The following TRIM66 variants were observed in gnomAD, a reference collection of about 807,000 sequenced individuals.
TRIM66 encodes tripartite motif-containing protein 66.
Under a neutral mutation model 148.2 loss-of-function variants are expected in TRIM66, and 99 were observed. The observed-to-expected ratio is 0.67, with a 90% CI of 0.57 to 0.79. TRIM66 has a LOEUF of 0.79. TRIM66 is among the 30% of genes least tolerant of loss of function. The pLI is 0.00. For synonymous variants in TRIM66, 616 were observed against 635.9 expected, an observed-to-expected ratio of 0.97 and a Z score of 0.47; for missense variants, 1,666 against 1,697.9, an observed-to-expected ratio of 0.98 and a Z score of 0.33.
At chr11:8,628,096 T>G (rs1565489730) in intron 15 of TRIM66, among the ~76,000 whole-genome samples, 1 of 152,112 alleles carries the variant, frequency 6.6e-6, no homozygotes, top group Non-Finnish European at 1.5e-5. Flanking sequence ...ATTCCCAAAG[T>G]GCTGGGATTA....
At position 8,624,494 on chromosome 11, in the gene TRIM66, G is replaced by A; in HGVS notation, c.2884C>T (p.Pro962Ser). ...AAGTCCTTGGGAGCATCCAGACCGG[G>A]GACTATGGGACCTTGTCCCAGTAAG... ...TDLLGQGPIV[P>S]GLDAPKDLAI... The change falls in exon 17 of 25, where the codon CCC (proline) becomes TCC (serine). Residue 962 changes from proline to serine, a missense_variant. This residue lies in a region of TRIM66 where 1,431 missense variants were observed against 1,412.4 expected (regional missense o/e 1.01). Transcript: ENST00000646038. 1 of 1,550,188 alleles carries A rather than the reference G, an allele frequency of 6.5e-7. No individual in the cohort carries two copies. The highest frequency in any genetic ancestry group is 2.4e-5 in the East Asian group (1 of 40,906).
rs2034697961 is a variant in TRIM66 at position 8,625,173 on chromosome 11, G to A, written c.2366C>T (p.Ser789Leu). The change falls in exon 16 of 25, where the codon TCA (serine) becomes TTA (leucine). Residue 789 changes from serine to leucine, a missense_variant. Ser to Leu is a moderately radical substitution (Grantham distance 145, BLOSUM62 -2). This residue lies in a region of TRIM66 where 1,431 missense variants were observed against 1,412.4 expected (regional missense o/e 1.01). Coordinates refer to ENST00000646038, the MANE Select transcript of TRIM66 (RefSeq NM_001388022.1). ...GFSNTLEMEL[S>L]STRLERPLEP... Reference sequence around the variant, plus strand: ...TAGGGGCCTCTCCAACCTGGTAGATGACAACTCCATCTCCAGAGTGTTGGA... The same window carrying A: ...TAGGGGCCTCTCCAACCTGGTAGATAACAACTCCATCTCCAGAGTGTTGGA... 6.5e-7 allele frequency: 1 copy of A among 1,539,112 alleles called. No individual in the cohort carries two copies. The highest frequency in any genetic ancestry group is 8.8e-7 in the Non-Finnish European group (1 of 1,139,554).
intron 6 of TRIM66, among the ~76,000 whole-genome samples, chr11:8,657,656 C>T (rs899707759): frequency 6.6e-6 from 1 of 152,134 alleles, no homozygotes; most frequent in Non-Finnish European, 1.5e-5. Flanking sequence ...TGGACATCCT[C>T]ACCAACAGTC....
At chr11:8,636,826 C>T (rs2035920741) in intron 15 of TRIM66, among the ~76,000 whole-genome samples, 2 of 152,140 alleles carry the variant, frequency 1.3e-5, no homozygotes, top group African/African-American at 2.4e-5. Flanking sequence ...TCCTCACATC[C>T]CCCAAGACTG....
intron 6 of TRIM66, among the ~76,000 whole-genome samples, chr11:8,666,231 C>T (rs925485274): frequency 1.7e-4 from 26 of 149,152 alleles, no homozygotes; most frequent in Admixed American, 7.4e-4. Context: ...TCTAGCTACT[C>T]GGGAGGCTGA....
chr11:8,673,363 A>G (rs929184392), intron 4 of TRIM66, among the ~76,000 whole-genome samples: 2 of 152,268 alleles, frequency 1.3e-5, no homozygotes, highest in African/African-American at 2.4e-5. Flanking sequence ...GATTATCTAC[A>G]TATCTACCAC....
Position 8,617,800 on chromosome 11 carries a change from A to G in TRIM66, c.*144T>C. On this transcript the variant is annotated 3_prime_UTR_variant, in exon 25 of 25. Transcript: ENST00000646038. ...TACGGCTCCCAAATAAATGCTGTAGATGCAAATGGCAAAGAAGAGCACTAC... is the reference window on the plus strand; with the variant it reads ...TACGGCTCCCAAATAAATGCTGTAGGTGCAAATGGCAAAGAAGAGCACTAC... 1.4e-6 allele frequency: 1 copy of G among 729,172 alleles called. No individual in the cohort carries two copies. The highest frequency in any genetic ancestry group is 2.7e-5 in the East Asian group (1 of 36,696). 45.2% of individuals were successfully genotyped at this position (729,172 alleles called of 1,614,324 possible). A position where few individuals can be genotyped will look rare whatever the true frequency, so the allele number is the denominator to read the frequency against.
rs1235129798 is a variant in TRIM66, at chr11:8,624,929, C to T, written c.2610G>A (p.Met870Ile). ...GAGGGTGATCACTTGCCAGGCTTGC[C>T]ATAGCCTGAGGGGAGTCACTTATCA... The part of the protein sequence containing the change: ...PNLISDSPQA[M>I]ASLASDHPQA... Residue 870 changes from methionine to isoleucine, a missense_variant, in exon 16 of 25, where the codon ATG becomes ATA. Met to Ile is a conservative substitution (Grantham distance 10). This residue lies in a region of TRIM66 where 1,431 missense variants were observed against 1,412.4 expected (regional missense o/e 1.01). Coordinates refer to ENST00000646038, the MANE Select transcript of TRIM66 (RefSeq NM_001388022.1). The T allele has an allele frequency of 6.4e-7, 1 of 1,551,680 alleles. No individual in the cohort carries two copies. The highest frequency in any genetic ancestry group is 2.0e-5 in the Admixed American group (1 of 51,004).
At chr11:8,659,858 ATT>A (rs1228767683) in intron 6 of TRIM66, among the ~76,000 whole-genome samples, 1 of 151,792 alleles carries the variant, frequency 6.6e-6, no homozygotes, top group Non-Finnish European at 1.5e-5. Flanking sequence ...GGCCAACTGA[ATT>A]TGTTTTTTTC....
chr11:8,648,415 C>A lies in TRIM66; in HGVS notation c.725+1G>T. ...CATTTCAGGCAGTCTGTCAGCCCCACCTGTGTTCTTTGTGTTCCACCACTA... is the reference window on the plus strand; with the variant it reads ...CATTTCAGGCAGTCTGTCAGCCCCAACTGTGTTCTTTGTGTTCCACCACTA... On this transcript the variant is annotated splice_donor_variant, in intron 9 of 24. Coordinates refer to ENST00000646038, the MANE Select transcript of TRIM66 (RefSeq NM_001388022.1). LOFTEE classifies it high-confidence loss of function. The A allele has an allele frequency of 6.4e-7, 1 of 1,551,380 alleles. No individual in the cohort carries two copies. The highest frequency in any genetic ancestry group is 8.7e-7 in the Non-Finnish European group (1 of 1,146,976).
At chr11:8,666,070 C>T (rs1283746801) in intron 6 of TRIM66, among the ~76,000 whole-genome samples, 2 of 152,112 alleles carry the variant, frequency 1.3e-5, no homozygotes, top group African/African-American at 2.4e-5. Flanking sequence ...GGCGCAGTGG[C>T]TCACTCCTGT....
At chr11:8,639,828 C>G (rs944214570) in intron 14 of TRIM66, among the ~76,000 whole-genome samples, 22 of 152,334 alleles carry the variant, frequency 1.4e-4, no homozygotes, top group South Asian at 1.0e-3. Context: ...CTGCCCTCCC[C>G]CTGTCTGGGA....
intron 15 of TRIM66, among the ~76,000 whole-genome samples, chr11:8,625,463 TTGTGTGTGTGTG>T (rs147088164): frequency 8.6e-4 from 128 of 148,248 alleles, no homozygotes; most frequent in African/African-American, 3.1e-3. Flanking sequence ...CGGAGAACTA[TTGTGTGTGTGTG>T]TGTGTGTGTG....
At position 8,622,359 on chromosome 11, in the gene TRIM66, C is replaced by T. The variant is rs1460377549; in HGVS notation, c.3080+457G>A. Among the ~76,000 whole-genome samples the T allele has an allele frequency of 4.7e-3, 219 of 46,858 alleles. 5 individuals are homozygous for T. The highest frequency in any genetic ancestry group is 0.011 in the Non-Finnish European group (188 of 17,464). The allele number at this position is 46,858 out of a possible 152,430, so 30.7% of individuals were successfully genotyped here. A position where few individuals can be genotyped will look rare whatever the true frequency, so the allele number is the denominator to read the frequency against. ...CACACAACACACACACACACACACA[C>T]ACACACATATATATATATATATATC... On this transcript the variant is annotated intron_variant, in intron 18 of 24. Coordinates refer to ENST00000646038, the MANE Select transcript of TRIM66 (RefSeq NM_001388022.1).
At position 8,621,258 on chromosome 11, in the gene TRIM66, C is replaced by T. The variant is rs776434538; in HGVS notation, c.3319G>A (p.Val1107Ile). The T allele has an allele frequency of 1.2e-5, 19 of 1,551,606 alleles. No homozygotes were observed. The highest frequency in any genetic ancestry group is 1.7e-5 in the Non-Finnish European group (19 of 1,147,014). Reference sequence around the variant, plus strand: ...GGCCGCTGCCCAGCCAAAGAAGTGACAGTGACCTTTCTTCCCTCCAGACCT... The same window carrying T: ...GGCCGCTGCCCAGCCAAAGAAGTGATAGTGACCTTTCTTCCCTCCAGACCT... Reference protein sequence around the residue: ...APGLEGRKVTVTSLAGQRPPE... With the variant: ...APGLEGRKVTITSLAGQRPPE... The change falls in exon 20 of 25, where the codon GTC becomes ATC. Residue 1107 changes from valine (V) to isoleucine (I), a missense_variant. Val to Ile is a conservative substitution (Grantham distance 29). Around this residue, in one of 3 missense-constraint regions of TRIM66, gnomAD observed 1,431 missense variants for 1,412.4 expected, o/e 1.01. Coordinates refer to ENST00000646038, the MANE Select transcript of TRIM66 (RefSeq NM_001388022.1).
intron 15 of TRIM66, among the ~76,000 whole-genome samples, chr11:8,637,753 C>T (rs191259004): frequency 6.6e-6 from 1 of 152,182 alleles, no homozygotes; most frequent in East Asian, 1.9e-4. Context: ...CCTGACAGAG[C>T]TTCAAGTCCA....
At chr11:8,637,921 C>A (rs1254161131) in intron 15 of TRIM66, among the ~76,000 whole-genome samples, 3 of 152,110 alleles carry the variant, frequency 2.0e-5, no homozygotes, top group African/African-American at 7.2e-5. Flanking sequence ...GGTGAAGGGG[C>A]AGAGGTGAGA....
At chr11:8,673,207 C>A (rs1204507126) in intron 4 of TRIM66, among the ~76,000 whole-genome samples, 2 of 152,124 alleles carry the variant, frequency 1.3e-5, no homozygotes, top group African/African-American at 4.8e-5. Flanking sequence ...GGATTACAGG[C>A]ATGAGCCACC....
chr11:8,682,667 A>C (rs1304049330), upstream of TRIM66: 7 of 876,652 alleles, frequency 8.0e-6, no homozygotes, highest in South Asian at 4.1e-5. Context: ...AGAGGAAGCG[A>C]CTAGCAGGCG....
Sources: allele counts gnomAD v4.1 joint callset (sites outside exome capture counted in the v4.1 genomes callset), GRCh38; gene constraint gnomAD v4.1.1; regional missense constraint gnomAD v4.1.1; transcripts MANE v1.5; gene names NCBI Gene and HGNC (gene_info 2026-07-23, HGNC 2026-07-21).